Variants in CTXND2 observed in about 807,000 individuals in gnomAD.
The protein encoded by CTXND2 is cortexin domain containing 2.
At chr1:150,892,194 T>C (rs1668859744) in intron 1 of CTXND2, among the ~76,000 whole-genome samples, 1 of 152,208 alleles carries the variant, frequency 6.6e-6, no homozygotes, top group African/African-American at 2.4e-5. Context: ...TGAGAAAATA[T>C]GTGCCTGAAG....
At chr1:150,900,600 A>C (rs999396071) in intron 1 of CTXND2, among the ~76,000 whole-genome samples, 1 of 152,136 alleles carries the variant, frequency 6.6e-6, no homozygotes, top group Admixed American at 6.6e-5. Flanking sequence ...GTCAGCTGAG[A>C]TTGCTCCACT....
chr1:150,898,874 G>A (rs1174180352), intron 1 of CTXND2, among the ~76,000 whole-genome samples: 2 of 147,892 alleles, frequency 1.4e-5, no homozygotes, highest in East Asian at 2.0e-4. Context: ...TCAGGAGACC[G>A]AGACCATCCT....
Position 150,898,286 on chromosome 1 carries a change from A to G in CTXND2, c.-74+10973A>G, listed in dbSNP as rs116226002. On this transcript the variant is annotated intron_variant, in intron 1 of 1. Transcript: ENST00000636087. ...CCTCAGAGTCAATCTCCTTCTTCCC[A>G]TTGGACTTTACAATGCTGAGTCTAA... is the stretch of plus-strand genomic sequence containing the variant. Among the ~76,000 whole-genome samples, 1,274 of 152,078 alleles carry G rather than the reference A, an allele frequency of 8.4e-3. 11 individuals are homozygous for G. The highest frequency in any genetic ancestry group is 0.029 in the African/African-American group (1,200 of 41,454).
chr1:150,901,685 C>T (rs758663421), intron 1 of CTXND2, among the ~76,000 whole-genome samples: 14 of 152,032 alleles, frequency 9.2e-5, no homozygotes, highest in Non-Finnish European at 1.5e-4. Flanking sequence ...GAGGCCGAGG[C>T]GGGCAGATCA....
intron 1 of CTXND2, among the ~76,000 whole-genome samples, chr1:150,903,623 C>A (rs141690952): frequency 6.6e-6 from 1 of 152,104 alleles, no homozygotes; most frequent in African/African-American, 2.4e-5. Flanking sequence ...CATAGTGACA[C>A]CCCGTCGCTA....
chr1:150,900,253 C>G (rs1484401786), intron 1 of CTXND2, among the ~76,000 whole-genome samples: 2 of 152,116 alleles, frequency 1.3e-5, no homozygotes, highest in East Asian at 1.9e-4. Context: ...CACGAACCCA[C>G]CGAGAGGAAC....
rs1668787514 is a variant in CTXND2 at position 150,887,318 on chromosome 1, G to GT, written c.-74+6dup. ...TTGGATATCCGCTCTCAGAAGGTAGGTAACTACCCACATTGCCTTCCTGGT... is the reference window on the plus strand; with the variant it reads ...TTGGATATCCGCTCTCAGAAGGTAGGTTAACTACCCACATTGCCTTCCTGGT... On this transcript the variant is annotated splice_donor_region_variant and intron_variant, in intron 1 of 1. Coordinates refer to ENST00000636087, the Ensembl canonical transcript of CTXND2. 6.6e-6 allele frequency: 1 copy of GT among 152,160 alleles called. No individual in the cohort carries two copies. Among genetic ancestry groups the GT allele is most frequent in the Non-Finnish European group, 1.5e-5 (1 of 68,040 alleles). The allele number at this position is 152,160 out of a possible 1,614,324, so 9.4% of individuals were successfully genotyped here.
At chr1:150,888,821 G>C (rs1020229086) in intron 1 of CTXND2, among the ~76,000 whole-genome samples, 1 of 151,838 alleles carries the variant, frequency 6.6e-6, no homozygotes, top group Non-Finnish European at 1.5e-5. Context: ...CTCCTGAGTA[G>C]CTGGGAGGGA....
chr1:150,907,421 A>T (rs1057288476), intron 1 of CTXND2, among the ~76,000 whole-genome samples: 6 of 152,210 alleles, frequency 3.9e-5, no homozygotes, highest in Non-Finnish European at 7.3e-5. Context: ...ATTATATAAT[A>T]TGCTGGGGGC....
At chr1:150,895,054 C>CATAT (rs766325719) in intron 1 of CTXND2, among the ~76,000 whole-genome samples, 1 of 149,272 alleles carries the variant, frequency 6.7e-6, no homozygotes, top group African/African-American at 2.5e-5. Flanking sequence ...TATATATATA[C>CATAT]ATATATATAT....
At chr1:150,906,365 A>G (rs933842804) in intron 1 of CTXND2, among the ~76,000 whole-genome samples, 4 of 152,168 alleles carry the variant, frequency 2.6e-5, no homozygotes, top group Non-Finnish European at 5.9e-5. Context: ...CATTATCGGC[A>G]TTATGGGATG....
rs113750599 is a variant in CTXND2, at chr1:150,902,639, C to T, written c.-73-9603C>T. ...GGTGAAATGGAATGGAAAGAATGGT[C>T]GGGGAGGGGTGATACTTCTTTGAGT... On this transcript the variant is annotated intron_variant, in intron 1 of 1. Transcript: ENST00000636087. 2.2e-3 allele frequency among the ~76,000 whole-genome samples: 334 copies of T among 151,812 alleles called. 1 individual carries two copies. Among genetic ancestry groups the T allele is most frequent in the Non-Finnish European group, 3.5e-3 (239 of 67,940 alleles).
chr1:150,898,489 G>A (rs1038486645), intron 1 of CTXND2, among the ~76,000 whole-genome samples: 7 of 152,076 alleles, frequency 4.6e-5, no homozygotes, highest in Admixed American at 2.6e-4. Context: ...CGGGCGTGGT[G>A]GCTCAAGCTT....
intron 1 of CTXND2, among the ~76,000 whole-genome samples, chr1:150,901,691 G>C (rs1669037940): frequency 6.6e-6 from 1 of 152,092 alleles, no homozygotes; most frequent in South Asian, 2.1e-4. Flanking sequence ...GAGGCGGGCA[G>C]ATCATGAGGT....
chr1:150,894,546 T>C (rs1237191279), intron 1 of CTXND2, among the ~76,000 whole-genome samples: 3 of 152,214 alleles, frequency 2.0e-5, no homozygotes, highest in African/African-American at 7.2e-5. Flanking sequence ...AAGACTGTTT[T>C]ATTAGATGCA....
chr1:150,903,622 A>T (rs1017388525), intron 1 of CTXND2, among the ~76,000 whole-genome samples: 2 of 151,952 alleles, frequency 1.3e-5, no homozygotes, highest in African/African-American at 4.8e-5. Context: ...ACATAGTGAC[A>T]CCCCGTCGCT....
intron 1 of CTXND2, 44 bp from the exon 2 acceptor site, chr1:150,912,198 T>TA: frequency 2.5e-6 from 1 of 397,322 alleles, no homozygotes; most frequent in East Asian, 3.6e-5. Flanking sequence ...AGAAAACACA[T>TA]ACACACACAA....
chr1:150,895,249 T>A (rs1217157680), intron 1 of CTXND2, among the ~76,000 whole-genome samples: 1 of 152,062 alleles, frequency 6.6e-6, no homozygotes, highest in African/African-American at 2.4e-5. Flanking sequence ...ATAGCTAGAT[T>A]GGGGCCAAGA....
intron 1 of CTXND2, among the ~76,000 whole-genome samples, chr1:150,907,459 T>C (rs1669169856): frequency 6.6e-6 from 1 of 152,220 alleles, no homozygotes; most frequent in Non-Finnish European, 1.5e-5. Context: ...TTCACTCAGC[T>C]TAATGCTTTA....
Sources: allele counts gnomAD v4.1 joint callset (sites outside exome capture counted in the v4.1 genomes callset), GRCh38; gene constraint gnomAD v4.1.1; transcripts MANE v1.5; gene names NCBI Gene and HGNC (gene_info 2026-07-23, HGNC 2026-07-21).